SLC35F1: variants seen among roughly 807,000 people sequenced by gnomAD.
SLC35F1 encodes the protein solute carrier family 35 member F1.
Under a neutral mutation model 48.7 loss-of-function variants are expected in SLC35F1, and 14 were observed. That is an observed-to-expected ratio of 0.29 (90% CI 0.19 to 0.45). The LOEUF (loss-of-function observed/expected upper bound fraction) is 0.45. Ranked by LOEUF, SLC35F1 falls within the 20% of genes least tolerant of loss-of-function variation. The pLI is 1.00. For missense variants in SLC35F1, 404 were observed against 500.0 expected, an observed-to-expected ratio of 0.81 and a Z score of 1.83; for synonymous variants, 190 against 202.2, an observed-to-expected ratio of 0.94 and a Z score of 0.51.
chr6:118,024,107 A>C (rs1164822078), intron 1 of SLC35F1, among the ~76,000 whole-genome samples: 2 of 152,146 alleles, frequency 1.3e-5, no homozygotes, highest in African/African-American at 4.8e-5. Flanking sequence ...GAGATAAGTG[A>C]TTATGCATTA....
chr6:118,256,253 T>A (rs111656444), intron 3 of SLC35F1, among the ~76,000 whole-genome samples: 4 of 132,750 alleles, frequency 3.0e-5, no homozygotes, highest in African/African-American at 5.5e-5. Flanking sequence ...TGTGTGTGTG[T>A]GACTGAAGTT....
chr6:117,919,879 AAG>A (rs1775874422), intron 1 of SLC35F1, among the ~76,000 whole-genome samples: 2 of 152,130 alleles, frequency 1.3e-5, no homozygotes, highest in African/African-American at 4.8e-5. Context: ...TGGTTCCTGA[AAG>A]AGAGTTTGAC....
intron 4 of SLC35F1, among the ~76,000 whole-genome samples, chr6:118,268,241 G>T (rs1775802378): frequency 6.6e-6 from 1 of 152,054 alleles, no homozygotes; most frequent in South Asian, 2.1e-4. Flanking sequence ...GGAACACAAG[G>T]CCCCCGGCCT....
chr6:118,316,613 T>C lies in SLC35F1; in HGVS notation c.*2361T>C, dbSNP rs1241541331. On this transcript the variant is annotated 3_prime_UTR_variant, in exon 8 of 8. Transcript: ENST00000360388. ...TATGAGAAGCAAGTGGATGAAATTA[T>C]CTCCAAGTCCACTCAGTAGACTGGA... 6.6e-6 allele frequency: 1 copy of C among 152,666 alleles called. No individual in the cohort carries two copies. Among genetic ancestry groups the C allele is most frequent in the African/African-American group, 2.4e-5 (1 of 41,460 alleles). The allele number at this position is 152,666 out of a possible 1,614,324, so 9.5% of individuals were successfully genotyped here.
chr6:118,201,590 T>C (rs1774874517), intron 2 of SLC35F1, among the ~76,000 whole-genome samples: 1 of 152,248 alleles, frequency 6.6e-6, no homozygotes, highest in Non-Finnish European at 1.5e-5. Flanking sequence ...TCATGCATGG[T>C]TGAATGACTT....
chr6:118,201,292 G>A (rs1260797399), intron 2 of SLC35F1, among the ~76,000 whole-genome samples: 1 of 152,150 alleles, frequency 6.6e-6, no homozygotes, highest in Non-Finnish European at 1.5e-5. Flanking sequence ...TGTAAGGGGG[G>A]CTAAGAAATG....
intron 1 of SLC35F1, among the ~76,000 whole-genome samples, chr6:118,046,879 T>A (rs1459637376): frequency 1.3e-5 from 2 of 152,124 alleles, no homozygotes; most frequent in Non-Finnish European, 2.9e-5. Context: ...CCAGCCTGTT[T>A]TCTGACTAAA....
chr6:118,063,135 A>C (rs1028248077), intron 1 of SLC35F1, among the ~76,000 whole-genome samples: 2 of 152,166 alleles, frequency 1.3e-5, no homozygotes, highest in African/African-American at 4.8e-5. Context: ...AAATTTGCAT[A>C]GATTTACTGG....
intron 1 of SLC35F1, among the ~76,000 whole-genome samples, chr6:118,044,195 A>T (rs1387654108): frequency 6.6e-6 from 1 of 152,138 alleles, no homozygotes; most frequent in Non-Finnish European, 1.5e-5. Flanking sequence ...CAGATGGCTT[A>T]TTCAGGTTCT....
chr6:118,067,527 C>T (rs76979482), intron 1 of SLC35F1, among the ~76,000 whole-genome samples: 2 of 151,932 alleles, frequency 1.3e-5, no homozygotes, highest in East Asian at 1.9e-4. Context: ...GTGTGCTTAG[C>T]GTGATGCAAG....
intron 7 of SLC35F1, among the ~76,000 whole-genome samples, chr6:118,306,859 G>A (rs1001260739): frequency 2.0e-5 from 3 of 152,124 alleles, no homozygotes; most frequent in African/African-American, 7.2e-5. Flanking sequence ...TTTAGCTCCC[G>A]ATTGCTGTAT....
intron 1 of SLC35F1, among the ~76,000 whole-genome samples, chr6:118,036,172 A>G (rs1003977797): frequency 6.6e-6 from 1 of 152,120 alleles, no homozygotes; most frequent in African/African-American, 2.4e-5. Flanking sequence ...ATGTACATAA[A>G]TTTCCCTGAA....
At position 118,315,170 on chromosome 6, in the gene SLC35F1, C is replaced by T. The variant is rs1776416794; in HGVS notation, c.*918C>T. ...GTGATAATATGGAAATTAATCAAGG[C>T]ACTGGAAAAAGCCATGGTCCTCTGC... On this transcript the variant is annotated 3_prime_UTR_variant, in exon 8 of 8. Coordinates refer to ENST00000360388, the MANE Select transcript of SLC35F1 (RefSeq NM_001029858.4). 2.0e-5 allele frequency: 3 copies of T among 152,536 alleles called. 1 individual carries two copies. The South Asian group carries it at 6.2e-4, about 32-fold the overall frequency. The allele number at this position is 152,536 out of a possible 1,614,324, so 9.4% of individuals were successfully genotyped here. A position where few individuals can be genotyped will look rare whatever the true frequency, so the allele number is the denominator to read the frequency against.
At position 118,142,289 on chromosome 6, in the gene SLC35F1, C is replaced by T. The variant is rs533164568; in HGVS notation, c.174-12156C>T. 2.8e-4 allele frequency among the ~76,000 whole-genome samples: 42 copies of T among 152,208 alleles called. 1 individual carries two copies. In the South Asian group the frequency reaches 8.1e-3, roughly 29 times the overall value. ...ATTTAATGTATATATTTAAGGTACA[C>T]AACATGATGCTACTACATATATAAG... On this transcript the variant is annotated intron_variant, in intron 1 of 7. Coordinates refer to ENST00000360388, the MANE Select transcript of SLC35F1 (RefSeq NM_001029858.4).
chr6:118,030,626 G>A (rs1772031572), intron 1 of SLC35F1, among the ~76,000 whole-genome samples: 1 of 152,124 alleles, frequency 6.6e-6, no homozygotes, highest in Admixed American at 6.5e-5. Flanking sequence ...GGGGTGGGGA[G>A]ATGGGAGAGA....
At chr6:118,007,035 T>G (rs1239681999) in intron 1 of SLC35F1, among the ~76,000 whole-genome samples, 1 of 152,156 alleles carries the variant, frequency 6.6e-6, no homozygotes, top group Non-Finnish European at 1.5e-5. Flanking sequence ...ATGTTGTTTT[T>G]TTTTTTTACC....
chr6:118,257,028 T>A (rs1454170293), intron 3 of SLC35F1, among the ~76,000 whole-genome samples: 1 of 152,184 alleles, frequency 6.6e-6, no homozygotes. Context: ...AATTTTTACA[T>A]GAACATGTAT....
At chr6:117,929,161 C>T (rs1169086140) in intron 1 of SLC35F1, among the ~76,000 whole-genome samples, 1 of 152,050 alleles carries the variant, frequency 6.6e-6, no homozygotes, top group African/African-American at 2.4e-5. Flanking sequence ...CCTGTTTTCC[C>T]ACACATGGTT....
intron 2 of SLC35F1, among the ~76,000 whole-genome samples, chr6:118,188,417 G>T (rs562763670): frequency 8.0e-4 from 122 of 152,204 alleles, no homozygotes; most frequent in African/African-American, 2.8e-3. Flanking sequence ...GAGCGTGGTG[G>T]CATGCACCTG....
Sources: allele counts gnomAD v4.1 joint callset (sites outside exome capture counted in the v4.1 genomes callset), GRCh38; gene constraint gnomAD v4.1.1; transcripts MANE v1.5; gene names NCBI Gene and HGNC (gene_info 2026-07-23, HGNC 2026-07-21).